MRTFB: variants seen among roughly 807,000 people sequenced by gnomAD.
The protein encoded by MRTFB is myocardin-related transcription factor B.
In MRTFB, 29 loss-of-function variants were observed where a neutral mutation model predicts 104.2. The observed-to-expected ratio is 0.28, with a 90% CI of 0.21 to 0.38. The LOEUF is 0.38. MRTFB is among the 10% of genes least tolerant of loss of function. The probability of loss-of-function intolerance (pLI) is 1.00; values close to 1 mark genes in which losing one functional copy is unlikely to be tolerated. For synonymous variants in MRTFB, 535 were observed against 519.5 expected, an observed-to-expected ratio of 1.03 and a Z score of -0.41; for missense variants, 1,270 against 1,341.6, an observed-to-expected ratio of 0.95 and a Z score of 0.83.
intron 4 of MRTFB, among the ~76,000 whole-genome samples, chr16:14,210,626 C>T (rs1263653788): frequency 6.6e-6 from 1 of 152,134 alleles, no homozygotes; most frequent in African/African-American, 2.4e-5. Context: ...AATCACTATA[C>T]TAATGGATTT....
the MRTFB span, among the ~76,000 whole-genome samples, chr16:14,050,931 C>T: frequency 0.33 from 49,735 of 152,002 alleles, 11,600 homozygotes; most frequent in African/African-American, 0.66. Flanking sequence ...GCACCTTACA[C>T]TCTCACTGTC....
chr16:14,126,784 C>G (rs1034728189), intron 2 of MRTFB, among the ~76,000 whole-genome samples: 6 of 152,220 alleles, frequency 3.9e-5, no homozygotes, highest in African/African-American at 1.4e-4. Context: ...AATTTCACAG[C>G]TGGAATTTGA....
At chr16:14,216,786 T>C (rs1448285549) in intron 6 of MRTFB, among the ~76,000 whole-genome samples, 2 of 152,180 alleles carry the variant, frequency 1.3e-5, no homozygotes, top group Non-Finnish European at 2.9e-5. Flanking sequence ...ATGGGCCACA[T>C]CCGTCTTGCC....
intron 3 of MRTFB, among the ~76,000 whole-genome samples, chr16:14,206,611 G>A (rs2040953949): frequency 6.6e-6 from 1 of 152,174 alleles, no homozygotes; most frequent in Non-Finnish European, 1.5e-5. Context: ...AGGCTTGAGT[G>A]CAATGGCACG....
chr16:14,172,435 A>G (rs578115998), intron 3 of MRTFB, among the ~76,000 whole-genome samples: 2 of 152,274 alleles, frequency 1.3e-5, no homozygotes, highest in South Asian at 4.1e-4. Flanking sequence ...CCAGTCTCCT[A>G]TGTGTGAACA....
intron 16 of MRTFB, 148 bp from the exon 17 acceptor site, chr16:14,260,761 C>A: frequency 3.1e-6 from 2 of 647,086 alleles, no homozygotes; most frequent in Non-Finnish European, 5.2e-6. Flanking sequence ...AAGGATTGTA[C>A]CTGACCAATA....
At chr16:14,179,878 G>C (rs1009981262) in intron 3 of MRTFB, among the ~76,000 whole-genome samples, 1 of 152,136 alleles carries the variant, frequency 6.6e-6, no homozygotes, top group African/African-American at 2.4e-5. Context: ...AATCAGGAGT[G>C]TTTAGAAACT....
chr16:14,120,159 T>G (rs2036770288), intron 2 of MRTFB, among the ~76,000 whole-genome samples: 3 of 152,252 alleles, frequency 2.0e-5, no homozygotes, highest in Non-Finnish European at 2.9e-5. Context: ...TGTATGTTTA[T>G]ATCCTTATAT....
At chr16:14,067,052 A>G (rs1429051394), upstream of MRTFB, among the ~76,000 whole-genome samples, 1 of 152,046 alleles carries the variant, frequency 6.6e-6, no homozygotes, top group Non-Finnish European at 1.5e-5. Context: ...CCCCATGAGG[A>G]TCACTTCCAC....
intron 3 of MRTFB, chr16:14,142,500 G>C (rs530666807): frequency 6.6e-6 from 1 of 151,908 alleles, no homozygotes; most frequent in African/African-American, 2.4e-5. Context: ...CACCTACGTC[G>C]GCCTCCCAAA....
At chr16:14,039,764 T>C in the MRTFB span, among the ~76,000 whole-genome samples, 1 of 149,072 alleles carries the variant, frequency 6.7e-6, no homozygotes, top group Non-Finnish European at 1.5e-5. Context: ...TATGTTCTTT[T>C]TTTTTTTTTT....
intron 3 of MRTFB, among the ~76,000 whole-genome samples, chr16:14,205,680 T>C (rs1292026683): frequency 1.3e-5 from 2 of 152,254 alleles, no homozygotes; most frequent in Non-Finnish European, 2.9e-5. Context: ...TTATTACTTA[T>C]GTCCTTTGTT....
At chr16:14,055,409 G>A in the MRTFB span, among the ~76,000 whole-genome samples, 1 of 152,142 alleles carries the variant, frequency 6.6e-6, no homozygotes, top group African/African-American at 2.4e-5. Flanking sequence ...CTAATCTATC[G>A]ACTGTATTCA....
chr16:14,125,555 C>G (rs150211837), intron 2 of MRTFB, among the ~76,000 whole-genome samples: 1 of 152,240 alleles, frequency 6.6e-6, no homozygotes, highest in African/African-American at 2.4e-5. Flanking sequence ...GCAAGCACCT[C>G]TGTTTTTCCA....
chr16:14,015,387 C>T, the MRTFB span, among the ~76,000 whole-genome samples: 1 of 152,198 alleles, frequency 6.6e-6, no homozygotes, highest in Admixed American at 6.5e-5. Flanking sequence ...GTCCTACCTC[C>T]TCATCTCTTC....
At chr16:14,122,357 C>T (rs991259257) in intron 2 of MRTFB, among the ~76,000 whole-genome samples, 1 of 151,608 alleles carries the variant, frequency 6.6e-6, no homozygotes, top group Non-Finnish European at 1.5e-5. Flanking sequence ...CATGTATATA[C>T]ACGTGCCATG....
chr16:14,043,901 G>T, the MRTFB span, among the ~76,000 whole-genome samples: 1 of 152,156 alleles, frequency 6.6e-6, no homozygotes, highest in Non-Finnish European at 1.5e-5. Flanking sequence ...AAACCTCAAT[G>T]GACAGACTAA....
At chr16:14,222,564 C>CTGTT (rs1159595012) in intron 8 of MRTFB, among the ~76,000 whole-genome samples, 4 of 92,094 alleles carry the variant, frequency 4.3e-5, no homozygotes, top group Non-Finnish European at 1.1e-4. Flanking sequence ...TCTAATTTCC[C>CTGTT]TGTTTAGGTT....
intron 8 of MRTFB, among the ~76,000 whole-genome samples, chr16:14,225,345 T>A (rs1286991546): frequency 6.6e-6 from 1 of 152,194 alleles, no homozygotes; most frequent in East Asian, 1.9e-4. Context: ...CAACGTAGTT[T>A]GTGAATGATG....
Sources: gnomAD v4.1 joint callset for allele counts (sites outside exome capture counted in the v4.1 genomes callset) on GRCh38, gnomAD v4.1.1 for gene constraint, MANE v1.5 for transcripts, NCBI Gene and HGNC (gene_info 2026-07-23, HGNC 2026-07-21) for gene names.